Variants in PTPRN2 observed in about 807,000 individuals in gnomAD.
PTPRN2 encodes protein tyrosine phosphatase receptor type N2.
A neutral mutation model predicts 118.8 loss-of-function variants in PTPRN2; 74 were observed. That is an observed-to-expected ratio of 0.62 (90% confidence interval 0.52 to 0.76). The LOEUF is 0.76. PTPRN2 is among the 30% of genes least tolerant of loss of function. The pLI is 0.00. For missense variants in PTPRN2, 1,481 were observed against 1,394.4 expected, an observed-to-expected ratio of 1.06 and a Z score of -0.99; for synonymous variants, 641 against 608.0, an observed-to-expected ratio of 1.05 and a Z score of -0.80.
At chr7:157,935,060 C>G (rs1799616306) in intron 11 of PTPRN2, among the ~76,000 whole-genome samples, 1 of 152,216 alleles carries the variant, frequency 6.6e-6, no homozygotes, top group Admixed American at 6.5e-5. Flanking sequence ...TGTAACGTCT[C>G]TCCTCCCAGC....
chr7:157,901,626 G>C (rs755772800), intron 11 of PTPRN2, among the ~76,000 whole-genome samples: 13 of 152,380 alleles, frequency 8.5e-5, no homozygotes, highest in Non-Finnish European at 1.6e-4. Context: ...AAATTCCTGA[G>C]AAAGTAAAAT....
At chr7:157,846,189 A>G (rs1364168584) in intron 12 of PTPRN2, among the ~76,000 whole-genome samples, 1 of 152,174 alleles carries the variant, frequency 6.6e-6, no homozygotes, top group Admixed American at 6.5e-5. Context: ...CCAATATTCT[A>G]GGAAGAAAAG....
intron 3 of PTPRN2, among the ~76,000 whole-genome samples, chr7:158,244,271 C>T (rs1486707890): frequency 1.3e-5 from 2 of 152,100 alleles, no homozygotes; most frequent in Non-Finnish European, 2.9e-5. Flanking sequence ...CCCATTAATG[C>T]TTCAGAGGGG....
chr7:158,409,054 T>A (rs1813812520), intron 2 of PTPRN2, among the ~76,000 whole-genome samples: 1 of 152,134 alleles, frequency 6.6e-6, no homozygotes, highest in African/African-American at 2.4e-5. Context: ...AGCTCAGTGC[T>A]TTATGTACAC....
intron 12 of PTPRN2, among the ~76,000 whole-genome samples, chr7:157,805,898 G>A (rs12112584): frequency 0.013 from 1,952 of 152,276 alleles, 39 homozygotes; most frequent in African/African-American, 0.045. Flanking sequence ...GTCCTGTTCT[G>A]CGTTAGCGAT....
intron 11 of PTPRN2, among the ~76,000 whole-genome samples, chr7:158,040,746 T>TTTTTTTTTTTTG (rs1563353110): frequency 6.7e-6 from 1 of 150,260 alleles, no homozygotes. Flanking sequence ...CTTTTTTTTT[T>TTTTTTTTTTTTG]TTTTGAGATG....
intron 2 of PTPRN2, among the ~76,000 whole-genome samples, chr7:158,350,386 T>G (rs1807837459): frequency 6.6e-6 from 1 of 152,156 alleles, no homozygotes; most frequent in Admixed American, 6.5e-5. Context: ...ACCCAGGAAG[T>G]GCAGGGAGGT....
intron 3 of PTPRN2, among the ~76,000 whole-genome samples, chr7:158,281,850 G>T (rs1799450307): frequency 6.6e-6 from 1 of 152,228 alleles, no homozygotes; most frequent in African/African-American, 2.4e-5. Flanking sequence ...GTTCTTTTGA[G>T]GTGTGAACAG....
chr7:158,252,355 T>C (rs1276812590), intron 3 of PTPRN2, among the ~76,000 whole-genome samples: 4 of 151,980 alleles, frequency 2.6e-5, no homozygotes, highest in African/African-American at 9.7e-5. Flanking sequence ...GGGTGGTGAG[T>C]GGTGTCACCG....
intron 2 of PTPRN2, among the ~76,000 whole-genome samples, chr7:158,354,354 C>T (rs186500816): frequency 3.4e-4 from 52 of 152,266 alleles, no homozygotes; most frequent in Admixed American, 8.5e-4. Flanking sequence ...CCTCCCCAAA[C>T]GGACAAAGCC....
intron 12 of PTPRN2, among the ~76,000 whole-genome samples, chr7:157,731,841 T>C (rs78223578): frequency 6.8e-4 from 14 of 20,712 alleles, no homozygotes; most frequent in East Asian, 2.3e-3. Flanking sequence ...GTTACCCTTT[T>C]CCGCCCCATG....
chr7:158,317,188 T>C (rs1802405822), intron 2 of PTPRN2, among the ~76,000 whole-genome samples: 1 of 152,188 alleles, frequency 6.6e-6, no homozygotes. Flanking sequence ...GTCACTCCAC[T>C]TTCCTCCATA....
chr7:158,405,288 C>G (rs1037145156), intron 2 of PTPRN2, among the ~76,000 whole-genome samples: 4 of 152,272 alleles, frequency 2.6e-5, no homozygotes, highest in South Asian at 2.1e-4. Context: ...AACACCTAGA[C>G]GAAGGTCAGG....
chr7:157,640,762 G>A (rs1218073105), intron 14 of PTPRN2, among the ~76,000 whole-genome samples: 2 of 152,194 alleles, frequency 1.3e-5, no homozygotes, highest in Non-Finnish European at 2.9e-5. Context: ...CCAGAGACAA[G>A]AGAACAGGGT....
chr7:157,905,981 G>A (rs1389901002), intron 11 of PTPRN2, among the ~76,000 whole-genome samples: 1 of 152,194 alleles, frequency 6.6e-6, no homozygotes, highest in Non-Finnish European at 1.5e-5. Flanking sequence ...TAAACAAGCT[G>A]CCTCAACGCT....
At chr7:157,994,554 G>GCCGTGTCCC (rs1804522327) in intron 11 of PTPRN2, among the ~76,000 whole-genome samples, 1 of 114,632 alleles carries the variant, frequency 8.7e-6, no homozygotes, top group African/African-American at 4.4e-5. Context: ...CCTAAAATCA[G>GCCGTGTCCC]CACCGCGTCC....
intron 3 of PTPRN2, among the ~76,000 whole-genome samples, chr7:158,214,311 T>C (rs1827814642): frequency 6.6e-6 from 1 of 151,742 alleles, no homozygotes; most frequent in Non-Finnish European, 1.5e-5. Context: ...GAGAAGGACA[T>C]GGTGGTGGAT....
chr7:157,941,581 C>G (rs563912410), intron 11 of PTPRN2, among the ~76,000 whole-genome samples: 1 of 152,338 alleles, frequency 6.6e-6, no homozygotes, highest in South Asian at 2.1e-4. Context: ...GCAGCCACAG[C>G]AAGCCACTGT....
chr7:158,340,354 A>T (rs1806439863), intron 2 of PTPRN2, among the ~76,000 whole-genome samples: 1 of 100,562 alleles, frequency 9.9e-6, no homozygotes. Context: ...ATAAGAGCTG[A>T]GGCCCACAGA....
Sources: allele counts gnomAD v4.1 joint callset (sites outside exome capture counted in the v4.1 genomes callset), GRCh38; gene constraint gnomAD v4.1.1; transcripts MANE v1.5; gene names NCBI Gene and HGNC (gene_info 2026-07-23, HGNC 2026-07-21).